Variants in NKAIN1 observed in about 807,000 individuals in gnomAD.
NKAIN1 encodes sodium/potassium-transporting ATPase subunit beta-1-interacting protein 1.
In NKAIN1, 13 loss-of-function variants were observed where a neutral mutation model predicts 31.6. The ratio of observed to expected loss-of-function variants is 0.41; its 90% CI spans 0.27 to 0.65. The LOEUF is 0.65. Among genes scored for constraint, NKAIN1 ranks in the 30% least tolerant of loss-of-function variants. The pLI, the probability that NKAIN1 is intolerant of heterozygous loss-of-function variation, is 0.30. For missense variants in NKAIN1, 193 were observed against 262.2 expected (o/e 0.74, Z 1.82); for synonymous variants, 104 against 109.0 (o/e 0.95, Z 0.28).
intron 1 of NKAIN1, among the ~76,000 whole-genome samples, chr1:31,226,634 C>T (rs1183907684): frequency 6.6e-6 from 1 of 151,562 alleles, no homozygotes. Flanking sequence ...AAGCAATTCT[C>T]CTGCCTCGGC....
chr1:31,222,568 C>A (rs1645572306), intron 1 of NKAIN1, among the ~76,000 whole-genome samples: 1 of 152,172 alleles, frequency 6.6e-6, no homozygotes, highest in Non-Finnish European at 1.5e-5. Flanking sequence ...TCAGCTGGTG[C>A]AGGGTGAGAG....
chr1:31,198,445 C>A (rs1017815389), intron 1 of NKAIN1, among the ~76,000 whole-genome samples: 1 of 152,128 alleles, frequency 6.6e-6, no homozygotes, highest in Non-Finnish European at 1.5e-5. Context: ...TGTGTCCAGC[C>A]GCTTGAGCTA....
Position 31,239,590 on chromosome 1 carries a change from T to G in NKAIN1, c.-43A>C. On this transcript the variant is annotated 5_prime_UTR_variant, in exon 1 of 7. Coordinates refer to ENST00000373736, the MANE Select transcript of NKAIN1 (RefSeq NM_024522.3). This position sits in a 1 kb window ranked among gnomAD's most constrained non-coding sequence, Gnocchi z 4.8. ...GGGCCGCACGCCGCGGCGCCCTTCTTGCTCCGCGGCCGCCGCCTGCTCGCG... is the reference window on the plus strand; with the variant it reads ...GGGCCGCACGCCGCGGCGCCCTTCTGGCTCCGCGGCCGCCGCCTGCTCGCG... 8.7e-7 allele frequency: 1 copy of G among 1,155,160 alleles called. No individual in the cohort carries two copies. The highest frequency in any genetic ancestry group is 1.1e-6 in the Non-Finnish European group (1 of 934,472). The allele number at this position is 1,155,160 out of a possible 1,614,324, so 71.6% of individuals were successfully genotyped here. A position where few individuals can be genotyped will look rare whatever the true frequency, so the allele number is the denominator to read the frequency against.
Position 31,182,732 on chromosome 1 carries a change from G to A in NKAIN1, c.472-142C>T, listed in dbSNP as rs559593585. 5.0e-5 allele frequency: 38 copies of A among 752,750 alleles called. 1 individual carries two copies. The South Asian group carries it at 6.6e-4, about 13-fold the overall frequency. The allele number at this position is 752,750 out of a possible 1,614,324, so 46.6% of individuals were successfully genotyped here. A position where few individuals can be genotyped will look rare whatever the true frequency, so the allele number is the denominator to read the frequency against. On this transcript the variant is annotated intron_variant, in intron 4 of 6. Coordinates refer to ENST00000373736, the MANE Select transcript of NKAIN1 (RefSeq NM_024522.3). Reference sequence around the variant, plus strand: ...AAACCGTAACAACTTCCAATTAAATGTTTTCACCTTAAAGTCAAACATACA... The same window carrying A: ...AAACCGTAACAACTTCCAATTAAATATTTTCACCTTAAAGTCAAACATACA...
chr1:31,200,529 C>T (rs1373629050), intron 1 of NKAIN1, among the ~76,000 whole-genome samples: 4 of 144,838 alleles, frequency 2.8e-5, no homozygotes, highest in Admixed American at 1.5e-4. Flanking sequence ...ATGATCCGGG[C>T]TCACTGCAGC....
At chr1:31,184,561 TG>T (rs1645228063) in intron 3 of NKAIN1, among the ~76,000 whole-genome samples, 1 of 152,196 alleles carries the variant, frequency 6.6e-6, no homozygotes, top group African/African-American at 2.4e-5. Context: ...AAGTTGCAGT[TG>T]CTCTTATGTC....
At chr1:31,182,041 C>T in intron 5 of NKAIN1, 100 bp from the exon 6 acceptor site, 1 of 1,207,772 alleles carries the variant, frequency 8.3e-7, no homozygotes, top group Non-Finnish European at 1.2e-6. Flanking sequence ...GACTCCCACC[C>T]TAGGAAGCGG....
At chr1:31,191,612 T>C (rs533799112) in intron 1 of NKAIN1, among the ~76,000 whole-genome samples, 4 of 152,212 alleles carry the variant, frequency 2.6e-5, no homozygotes, top group Admixed American at 2.6e-4. Context: ...TTAGACTTGA[T>C]ACATAGTGGC....
rs529862564 is a variant in NKAIN1 at position 31,223,789 on chromosome 1, T to A, written c.54+15705A>T. The stretch of plus-strand genomic sequence containing the variant: ...TTACCATTAATCACCTGGCAATGAA[T>A]GGAACCCTGCCTGGTAAATTGCTTC... On this transcript the variant is annotated intron_variant, in intron 1 of 6. Transcript: ENST00000373736. 2.0e-5 allele frequency among the ~76,000 whole-genome samples: 3 copies of A among 152,366 alleles called. No homozygotes were observed. The South Asian group carries it at 6.2e-4, about 32-fold the overall frequency.
chr1:31,219,497 G>C (rs190978304), intron 1 of NKAIN1, among the ~76,000 whole-genome samples: 2 of 152,350 alleles, frequency 1.3e-5, no homozygotes, highest in East Asian at 3.9e-4. Flanking sequence ...GGAGTCTAGG[G>C]TGGGAGCGTA....
At chr1:31,220,286 G>A (rs939441090) in intron 1 of NKAIN1, among the ~76,000 whole-genome samples, 1 of 151,224 alleles carries the variant, frequency 6.6e-6, no homozygotes, top group Non-Finnish European at 1.5e-5. Flanking sequence ...CAAAGTGCTG[G>A]GATTACAGGC....
chr1:31,219,481 T>C (rs1267264582), intron 1 of NKAIN1, among the ~76,000 whole-genome samples: 6 of 152,100 alleles, frequency 3.9e-5, no homozygotes, highest in Admixed American at 1.3e-4. Context: ...CCTGAGTATC[T>C]GGGGTGGAGT....
chr1:31,225,798 C>A (rs928231317), intron 1 of NKAIN1, among the ~76,000 whole-genome samples: 1 of 152,190 alleles, frequency 6.6e-6, no homozygotes, highest in African/African-American at 2.4e-5. Flanking sequence ...CTCAGATTAC[C>A]CCTCCATTCA....
intron 1 of NKAIN1, among the ~76,000 whole-genome samples, chr1:31,196,117 G>A (rs1362367945): frequency 6.6e-6 from 1 of 152,180 alleles, no homozygotes; most frequent in East Asian, 1.9e-4. Context: ...TGTGGCTCAG[G>A]CCTGTAATCC....
intron 1 of NKAIN1, among the ~76,000 whole-genome samples, chr1:31,214,468 A>G (rs1022335221): frequency 6.6e-6 from 1 of 152,098 alleles, no homozygotes; most frequent in African/African-American, 2.4e-5. Flanking sequence ...TAAAAAAAAA[A>G]AAAAAGAAAA....
intron 1 of NKAIN1, among the ~76,000 whole-genome samples, chr1:31,218,016 T>TTCTC (rs1553163600): frequency 9.2e-6 from 1 of 108,242 alleles, no homozygotes; most frequent in Admixed American, 1.2e-4. Flanking sequence ...GCAGCTACCA[T>TTCTC]TTTCTTTCTT....
intron 1 of NKAIN1, among the ~76,000 whole-genome samples, chr1:31,230,977 G>A (rs12139732): frequency 0.39 from 58,931 of 149,766 alleles, 14,118 homozygotes; most frequent in Non-Finnish European, 0.55. Context: ...CCGCCTCCCA[G>A]GTTCAAGTGA....
chr1:31,214,900 C>A (rs1381273330), intron 1 of NKAIN1, among the ~76,000 whole-genome samples: 1 of 152,202 alleles, frequency 6.6e-6, no homozygotes, highest in Non-Finnish European at 1.5e-5. Flanking sequence ...GTGGCCTGAA[C>A]AGAGAAAGCA....
intron 6 of NKAIN1, 50 bp downstream of exon 6, chr1:31,181,810 G>T (rs769610310): frequency 3.6e-5 from 57 of 1,570,618 alleles, no homozygotes; most frequent in Non-Finnish European, 4.7e-5. Flanking sequence ...CCTCCTTTTC[G>T]CAACCCCGAC....
Sources: allele counts gnomAD v4.1 joint callset (sites outside exome capture counted in the v4.1 genomes callset), GRCh38; gene constraint gnomAD v4.1.1; non-coding constraint Gnocchi (gnomAD v3.1); transcripts MANE v1.5; gene names NCBI Gene and HGNC (gene_info 2026-07-23, HGNC 2026-07-21).